MDC1: variants seen among roughly 807,000 people sequenced by gnomAD.
MDC1 encodes mediator of DNA damage checkpoint protein 1.
MDC1 carries 81 observed loss-of-function variants against 142.5 expected under a neutral mutation model. The ratio of observed to expected loss-of-function variants is 0.57; its 90% CI spans 0.47 to 0.68. The LOEUF is 0.68. MDC1 is among the 30% of genes least tolerant of loss of function. MDC1 has a pLI of 0.00. For missense variants in MDC1, 2,119 were observed against 2,547.9 expected (o/e 0.83, Z 3.62); for synonymous variants, 797 against 968.4 (o/e 0.82, Z 3.29).
At chr6:30,702,473 T>C (rs1037863649) in intron 14 of MDC1, 80 bp downstream of exon 14, 11 of 1,120,326 alleles carry the variant, frequency 9.8e-6, no homozygotes, top group Admixed American at 8.7e-5. Context: ...TCCATTTTTT[T>C]CCCTCCAATC....
In MDC1 at chr6:30,713,911, G is replaced by T; in HGVS notation, c.409C>A (p.Leu137Met). 1 of 1,613,656 alleles carries T rather than the reference G, an allele frequency of 6.2e-7. No homozygotes were observed. Among genetic ancestry groups the T allele is most frequent in the South Asian group, 1.1e-5 (1 of 91,084 alleles). ...LCQYHRLDVS[L>M]PFVSRGPLTV... is the part of the protein sequence containing the mutation. ...AGAGGGCCCCGGGAGACAAAGGGCA[G>T]AGAGACATCCAGGCGATGGTACTGG... The change falls in exon 3 of 15, where the codon CTG (leucine) becomes ATG (methionine). Residue 137 changes from leucine (L) to methionine (M), a missense_variant. Transcript: ENST00000376406. The surrounding 1 kb of genome is among the most constrained non-coding windows in gnomAD (Gnocchi z 4.9).
chr6:30,700,674 T>C (rs1444243185), intron 14 of MDC1, 42 bp from the exon 15 acceptor site: 1 of 1,608,260 alleles, frequency 6.2e-7, no homozygotes, highest in Non-Finnish European at 8.5e-7. Context: ...TGAAAAAGAA[T>C]CCTAGAAATG....
chr6:30,713,880 A>C lies in MDC1; in HGVS notation c.440T>G (p.Val147Gly). Residue 147 changes from valine (V) to glycine (G), a missense_variant, in exon 3 of 15, where the codon GTA becomes GGA. Coordinates refer to ENST00000376406, the MANE Select transcript of MDC1 (RefSeq NM_014641.3). The surrounding 1 kb of genome is among the most constrained non-coding windows in gnomAD (Gnocchi z 4.9). ...LPFVSRGPLTVEETPRVQGET... is the reference protein window; with the variant it reads ...LPFVSRGPLTGEETPRVQGET... ...TCCCTGTACTCTGGGTGTCTCTTCTACTGTCAGAGGGCCCCGGGAGACAAA... is the reference window on the plus strand; with the variant it reads ...TCCCTGTACTCTGGGTGTCTCTTCTCCTGTCAGAGGGCCCCGGGAGACAAA... 1 of 1,613,930 alleles carries C rather than the reference A, an allele frequency of 6.2e-7. No individual in the cohort carries two copies. Among genetic ancestry groups the C allele is most frequent in the Non-Finnish European group, 8.5e-7 (1 of 1,180,018 alleles).
In MDC1 at chr6:30,713,015, A is replaced by AG; in HGVS notation, c.926dup (p.Pro310SerfsTer6). On this transcript the variant is annotated frameshift_variant, in exon 5 of 15. Transcript: ENST00000376406. LOFTEE classifies it high-confidence loss of function. The surrounding 1 kb of genome is among the most constrained non-coding windows in gnomAD (Gnocchi z 4.9). The stretch of plus-strand genomic sequence containing the variant: ...AATGGACCTCAGCTGGCCTTCCAGG[A>AG]GGCCTGCTGTCATCATCCACATCTG... 6.2e-7 allele frequency: 1 copy of AG among 1,612,666 alleles called. No individual in the cohort carries two copies. The highest frequency in any genetic ancestry group is 8.5e-7 in the Non-Finnish European group (1 of 1,179,786).
chr6:30,707,651 A>G lies in MDC1; in HGVS notation c.2928T>C (p.Leu976=), dbSNP rs1212974006. The change falls in exon 8 of 15, where the codon CTT becomes CTC. Residue 976 remains leucine (L), a synonymous_variant. Transcript: ENST00000376406. ...TPEPGVGAGD[L]PGPTSAPVPS... ...GTACGGGGGCTGAGGTAGGTCCCGG[A>G]AGGTCCCCCGCCCCCACCCCAGGCT... 1.9e-6 allele frequency: 3 copies of G among 1,612,960 alleles called. No individual in the cohort carries two copies. In the Admixed American group the frequency reaches 5.0e-5, roughly 27 times the overall value.
chr6:30,708,441 A>G (rs928202322), intron 7 of MDC1, 84 bp from the exon 8 acceptor site: 9 of 985,508 alleles, frequency 9.1e-6, no homozygotes, highest in Non-Finnish European at 1.3e-5. Context: ...ACAGGTTGAC[A>G]TAATAAATAT....
At chr6:30,707,278 A>G in intron 9 of MDC1, 106 bp downstream of exon 9, 1 of 1,240,912 alleles carries the variant, frequency 8.1e-7, no homozygotes, top group Non-Finnish European at 1.2e-6. Flanking sequence ...ATGGAAGAAA[A>G]CTGAATAATG....
intron 14 of MDC1, among the ~76,000 whole-genome samples, chr6:30,702,256 C>CAAAA (rs57764077): frequency 7.4e-4 from 44 of 59,124 alleles, no homozygotes; most frequent in African/African-American, 1.8e-3. Flanking sequence ...GACTCCATCT[C>CAAAA]AAAAAAAAAA....
Position 30,715,187 on chromosome 6 carries a change from G to A in MDC1, c.-3-9C>T. On this transcript the variant is annotated splice_polypyrimidine_tract_variant and intron_variant, in intron 1 of 14. Transcript: ENST00000376406. The surrounding 1 kb of genome is among the most constrained non-coding windows in gnomAD (Gnocchi z 4.1). ...TGGGTGTCCTCCATGATCTGGGAAG[G>A]ATACACATTATCAATTATCCTCATT... The A allele has an allele frequency of 6.2e-7, 1 of 1,614,044 alleles. No individual in the cohort carries two copies. The highest frequency in any genetic ancestry group is 1.1e-5 in the South Asian group (1 of 91,072).
chr6:30,707,295 G>T, intron 9 of MDC1, 89 bp downstream of exon 9: 1 of 1,329,196 alleles, frequency 7.5e-7, no homozygotes, highest in Non-Finnish European at 1.1e-6. Context: ...AATGAGAAAG[G>T]AATAGATTAA....
chr6:30,713,024 G>A lies in MDC1; in HGVS notation c.918C>T (p.Asp306=), dbSNP rs1193820182. 4 of 1,612,748 alleles carry A rather than the reference G, an allele frequency of 2.5e-6. No homozygotes were observed. Among genetic ancestry groups the A allele is most frequent in the Admixed American group, 3.3e-5 (2 of 60,012 alleles). ...GEDSDTDVDD[D]SRPPGRPAEV... ...CAGCTGGCCTTCCAGGAGGCCTGCT[G>A]TCATCATCCACATCTGTGTCACTGT... Residue 306 remains aspartate, a synonymous_variant, in exon 5 of 15, where the codon GAC becomes GAT. Transcript: ENST00000376406. This position sits in a 1 kb window ranked among gnomAD's most constrained non-coding sequence, Gnocchi z 4.9.
At chr6:30,706,851 G>C (rs1773956753) in intron 9 of MDC1, among the ~76,000 whole-genome samples, 1 of 151,856 alleles carries the variant, frequency 6.6e-6, no homozygotes, top group African/African-American at 2.4e-5. Context: ...TGTAGTCCCA[G>C]CTACTTGGGA....
Position 30,713,268 on chromosome 6 carries a change from C to A in MDC1, c.674G>T (p.Gly225Val), listed in dbSNP as rs1160259435. 1 of 1,613,026 alleles carries A rather than the reference C, an allele frequency of 6.2e-7. No individual in the cohort carries two copies. Among genetic ancestry groups the A allele is most frequent in the South Asian group, 1.1e-5 (1 of 91,090 alleles). The change falls in exon 5 of 15, where the codon GGT becomes GTT. Residue 225 changes from glycine to valine, a missense_variant. By Grantham distance (109) the Gly-to-Val change is moderately radical. Coordinates refer to ENST00000376406, the MANE Select transcript of MDC1 (RefSeq NM_014641.3). This position sits in a 1 kb window ranked among gnomAD's most constrained non-coding sequence, Gnocchi z 4.9. ...NLNSDTDVEEGQQPATEEASS... is the reference protein window; with the variant it reads ...NLNSDTDVEEVQQPATEEASS... The stretch of plus-strand genomic sequence containing the variant: ...GGCCTCCTCTGTGGCTGGTTGCTGA[C>A]CTTCTTCCACATCTGTGTCACTGTT...
Position 30,707,704 on chromosome 6 carries a change from T to C in MDC1, c.2875A>G (p.Lys959Glu). ...GEPEGGSQDQ[K>E]GQASSPTPEP... is the part of the protein sequence containing the mutation. ...GGTGTTGGGCTGGAGGCCTGCCCTTTCTGGTCCTGGCTCCCTCCCTCTGGC... is the reference window on the plus strand; with the variant it reads ...GGTGTTGGGCTGGAGGCCTGCCCTTCCTGGTCCTGGCTCCCTCCCTCTGGC... Residue 959 changes from lysine to glutamate, a missense_variant, in exon 8 of 15, where the codon AAA (lysine) becomes GAA (glutamate). Transcript: ENST00000376406. 6.2e-7 allele frequency: 1 copy of C among 1,613,094 alleles called. No homozygotes were observed. Among genetic ancestry groups the C allele is most frequent in the Non-Finnish European group, 8.5e-7 (1 of 1,180,034 alleles).
rs1001737685 is a variant in MDC1, at chr6:30,715,649, CTTT to C, written c.-3-474_-3-472del. ...CCACTGCGCCCCGTTGTTTTTCTTT[CTTT>C]TTTAGCCCATGCTTTTTATACTTTT... On this transcript the variant is annotated intron_variant, in intron 1 of 14. Coordinates refer to ENST00000376406, the MANE Select transcript of MDC1 (RefSeq NM_014641.3). The surrounding 1 kb of genome is among the most constrained non-coding windows in gnomAD (Gnocchi z 4.1). Among the ~76,000 whole-genome samples, 3 of 152,110 alleles carry C rather than the reference CTTT, an allele frequency of 2.0e-5. No homozygotes were observed. Among genetic ancestry groups the C allele is most frequent in the Non-Finnish European group, 4.4e-5 (3 of 68,002 alleles).
chr6:30,708,315 A>G lies in MDC1; in HGVS notation c.2264T>C (p.Phe755Ser). ...EPWEVLATQP[F>S]CLRESEDSET... ...AGAGTCCTCAGACTCTCTCAGACAG[A>G]ATGGCTGTGTAGCCAGGACCTCCCA... is the stretch of plus-strand genomic sequence containing the variant. The change falls in exon 8 of 15, where the codon TTC becomes TCC. Residue 755 changes from phenylalanine to serine, a missense_variant. Transcript: ENST00000376406. The G allele has an allele frequency of 6.2e-7, 1 of 1,612,584 alleles. No individual in the cohort carries two copies. Among genetic ancestry groups the G allele is most frequent in the Non-Finnish European group, 8.5e-7 (1 of 1,180,012 alleles).
intron 14 of MDC1, among the ~76,000 whole-genome samples, chr6:30,700,977 G>C (rs1247757280): frequency 6.6e-6 from 1 of 151,366 alleles, no homozygotes; most frequent in African/African-American, 2.4e-5. Flanking sequence ...GGAGGCTGGG[G>C]CAGGAGAATG....
Position 30,710,936 on chromosome 6 carries a change from G to A in MDC1, c.2221+476C>T, listed in dbSNP as rs139070972. ...ATGCTGGGCTAATTTTTTCATTTTT[G>A]TGGAGACCAGGTCTCTCTCTGTTGC... On this transcript the variant is annotated intron_variant, in intron 7 of 14. Transcript: ENST00000376406. Among the ~76,000 whole-genome samples, 11 of 151,808 alleles carry A rather than the reference G, an allele frequency of 7.2e-5. No homozygotes were observed. The East Asian group carries it at 2.0e-3, about 27-fold the overall frequency.
Position 30,713,635 on chromosome 6 carries a change from CTT to C in MDC1, c.587+11_587+12del. 6.2e-7 allele frequency: 1 copy of C among 1,613,056 alleles called. No individual in the cohort carries two copies. Among genetic ancestry groups the C allele is most frequent in the Non-Finnish European group, 8.5e-7 (1 of 1,179,152 alleles). ...ATTTTGAAGACTCAGGTGTCTGACT[CTT>C]TGGCACTCACCTCTCTGGAACTATC... On this transcript the variant is annotated intron_variant, in intron 4 of 14. Transcript: ENST00000376406. The surrounding 1 kb of genome is among the most constrained non-coding windows in gnomAD (Gnocchi z 4.9).
Sources: allele counts gnomAD v4.1 joint callset (sites outside exome capture counted in the v4.1 genomes callset), GRCh38; gene constraint gnomAD v4.1.1; non-coding constraint Gnocchi (gnomAD v3.1); transcripts MANE v1.5; gene names NCBI Gene and HGNC (gene_info 2026-07-23, HGNC 2026-07-21).